HOOK2: variants seen among roughly 807,000 people sequenced by gnomAD.
HOOK2 encodes protein Hook homolog 2.
In HOOK2, 108 loss-of-function variants were observed where a neutral mutation model predicts 111.9. The ratio of observed to expected loss-of-function variants is 0.96; its 90% CI spans 0.83 to 1.13. HOOK2 has a LOEUF of 1.13. HOOK2 is among the 50% of genes most tolerant of loss of function. The pLI, the probability that HOOK2 is intolerant of heterozygous loss-of-function variation, is 0.00. For missense variants in HOOK2, 978 were observed against 951.3 expected (o/e 1.03, Z -0.37); for synonymous variants, 405 against 394.3 (o/e 1.03, Z -0.32).
rs1301014406 is a variant in HOOK2, at chr19:12,767,811, CT to C, written c.1303+4del. 1.2e-6 allele frequency: 2 copies of C among 1,600,756 alleles called. No homozygotes were observed. The highest frequency in any genetic ancestry group is 4.5e-5 in the East Asian group (2 of 44,870). ...GTAAGACCCCGGGATGGGGCTTCAT[CT>C]CACCGGCCTGGGTCAACCCCCGCGG... On this transcript the variant is annotated splice_donor_region_variant and intron_variant, in intron 13 of 22. Coordinates refer to ENST00000397668, the MANE Select transcript of HOOK2 (RefSeq NM_013312.3).
chr19:12,771,937 G>T, intron 7 of HOOK2: 2 of 499,078 alleles, frequency 4.0e-6, no homozygotes, highest in Non-Finnish European at 7.1e-6. Flanking sequence ...TGGGGTTGGA[G>T]ACTGAAGGAA....
chr19:12,770,796 T>G, intron 10 of HOOK2, 136 bp downstream of exon 10: 3 of 1,067,526 alleles, frequency 2.8e-6, no homozygotes, highest in Non-Finnish European at 4.1e-6. Flanking sequence ...AGGGTGGCAC[T>G]GTGGAGTCCA....
upstream of HOOK2, among the ~76,000 whole-genome samples, chr19:12,781,938 C>G (rs1278301752): frequency 6.6e-6 from 1 of 151,896 alleles, no homozygotes; most frequent in Non-Finnish European, 1.5e-5. Context: ...TTCCTGGCCT[C>G]AAGTGATCCT....
In HOOK2 at chr19:12,768,048, C is replaced by A; in HGVS notation, c.1180G>T (p.Glu394Ter). The A allele has an allele frequency of 6.2e-7, 1 of 1,614,254 alleles. No homozygotes were observed. Among genetic ancestry groups the A allele is most frequent in the Non-Finnish European group, 8.5e-7 (1 of 1,180,046 alleles). The change falls in exon 12 of 23, where the codon GAG becomes TAG. Residue 394 changes from glutamate to a stop codon, truncating the protein, a stop_gained. Coordinates refer to ENST00000397668, the MANE Select transcript of HOOK2 (RefSeq NM_013312.3). LOFTEE classifies it high-confidence loss of function. ...TTTGTCACCGACTCATACTTTTCCTCCAGGTTGCGGCATTCAAATAGCCAT... is the reference window on the plus strand; with the variant it reads ...TTTGTCACCGACTCATACTTTTCCTACAGGTTGCGGCATTCAAATAGCCAT... ...EKWLFECRNLEEKYESVTKEK... is the reference protein window; with the variant it reads ...EKWLFECRNL
chr19:12,792,279 G>C (rs1449594379), intron 3 of HOOK2: 1 of 1,494,832 alleles, frequency 6.7e-7, no homozygotes, highest in Non-Finnish European at 8.9e-7. Context: ...GGCTGGGCCC[G>C]GGGGCGTCTA....
At chr19:12,766,285 C>G in intron 14 of HOOK2, 45 bp from the exon 15 acceptor site, 1 of 1,488,338 alleles carries the variant, frequency 6.7e-7, no homozygotes, top group Non-Finnish European at 8.9e-7. Flanking sequence ...CGAGTCACCT[C>G]GCAGGCTCGC....
chr19:12,763,666 A>T lies in HOOK2; in HGVS notation c.1938+2T>A, dbSNP rs1968062782. 3.1e-6 allele frequency: 5 copies of T among 1,613,682 alleles called. No homozygotes were observed. In the South Asian group the frequency reaches 4.4e-5, roughly 14 times the overall value. On this transcript the variant is annotated splice_donor_variant, in intron 21 of 22. Coordinates refer to ENST00000397668, the MANE Select transcript of HOOK2 (RefSeq NM_013312.3). LOFTEE classifies it high-confidence loss of function. ...GCAGCGTAAAGGGACGAGGACACCC[A>T]CCTCCAGGTGTCGGATGCGGACATC... is the stretch of plus-strand genomic sequence containing the variant.
chr19:12,771,128 C>T, intron 9 of HOOK2, 31 bp downstream of exon 9: 1 of 1,611,578 alleles, frequency 6.2e-7, no homozygotes, highest in Non-Finnish European at 8.5e-7. Context: ...GGTCCCCTGG[C>T]TTGCCTGGCC....
intron 1 of HOOK2, 82 bp downstream of exon 1, chr19:12,775,321 CAA>C (rs1968468172): frequency 1.3e-6 from 2 of 1,555,526 alleles, no homozygotes; most frequent in East Asian, 2.4e-5. Flanking sequence ...GCCCCAGCAC[CAA>C]GAGACTGACC....
upstream of HOOK2, among the ~76,000 whole-genome samples, chr19:12,782,513 C>T (rs554861186): frequency 1.4e-3 from 218 of 152,352 alleles, no homozygotes; most frequent in African/African-American, 4.8e-3. Flanking sequence ...CTCCGGGAGG[C>T]GCCCTCCCCG....
At chr19:12,788,826 TCA>T (rs1249983226) in intron 3 of HOOK2, among the ~76,000 whole-genome samples, 1 of 152,074 alleles carries the variant, frequency 6.6e-6, no homozygotes, top group Non-Finnish European at 1.5e-5. Context: ...CCTGCCAGAC[TCA>T]CAGGCCTCCG....
chr19:12,771,697 A>G (rs1250637547), intron 7 of HOOK2: 2 of 555,250 alleles, frequency 3.6e-6, no homozygotes, highest in African/African-American at 3.8e-5. Flanking sequence ...AGCCTGCCCA[A>G]CGTGGCGAAC....
At position 12,791,941 on chromosome 19, in the gene HOOK2, G is replaced by T. The variant is rs748304885; in HGVS notation, n.42-17716C>A. 37 of 1,611,298 alleles carry T rather than the reference G, an allele frequency of 2.3e-5. No homozygotes were observed. The highest frequency in any genetic ancestry group is 2.5e-6 in the Non-Finnish European group (3 of 1,179,470). On this transcript the variant is annotated intron_variant and non_coding_transcript_variant, in intron 3 of 3. Coordinates refer to the HOOK2 transcript ENST00000589765. This position sits in a 1 kb window ranked among gnomAD's most constrained non-coding sequence, Gnocchi z 7.0. ...AGTCTCAAAGCGCCTGGGGCTCGCG[G>T]ACCCGGCCCAGAGGGCGGCGGTGGC... is the stretch of plus-strand genomic sequence containing the variant.
At chr19:12,768,726 A>G (rs937665005) in intron 11 of HOOK2, among the ~76,000 whole-genome samples, 1 of 151,986 alleles carries the variant, frequency 6.6e-6, no homozygotes, top group East Asian at 1.9e-4. Flanking sequence ...TCCCATCTCA[A>G]CCTCTCAAAG....
rs1197102302 is a variant in HOOK2, at chr19:12,768,121, C to T, written c.1107G>A (p.Val369=). The T allele has an allele frequency of 1.2e-6, 2 of 1,613,620 alleles. No individual in the cohort carries two copies. The highest frequency in any genetic ancestry group is 2.2e-5 in the East Asian group (1 of 44,884). The part of the protein sequence containing the change: ...RAQLEAQRRQ[V]QELQGQRQEE... ...CCTGCCGCTGGCCCTGCAGTTCCTG[C>T]ACCTGAACACAGAGAGGGGAGGAAT... is the stretch of plus-strand genomic sequence containing the variant. The change falls in exon 12 of 23, where the codon GTG becomes GTA. Residue 369 remains valine, a splice_region_variant and synonymous_variant. Transcript: ENST00000397668.
chr19:12,780,114 C>T (rs1456437124), upstream of HOOK2, among the ~76,000 whole-genome samples: 1 of 152,162 alleles, frequency 6.6e-6, no homozygotes, highest in Non-Finnish European at 1.5e-5. Flanking sequence ...CGCGCCATTA[C>T]ACTCTAGCCT....
chr19:12,768,633 T>A (rs983051816), intron 11 of HOOK2, among the ~76,000 whole-genome samples: 1 of 151,682 alleles, frequency 6.6e-6, no homozygotes, highest in African/African-American at 2.4e-5. Context: ...TTAAAAAAAA[T>A]TTAAAAATTT....
chr19:12,782,299 T>C (rs989243721), upstream of HOOK2, among the ~76,000 whole-genome samples: 9 of 152,240 alleles, frequency 5.9e-5, no homozygotes, highest in Admixed American at 5.9e-4. Context: ...CGTGTGTCCG[T>C]GTTCGCTGCG....
At chr19:12,764,003 T>C (rs1212444944) in intron 20 of HOOK2, among the ~76,000 whole-genome samples, 1 of 152,088 alleles carries the variant, frequency 6.6e-6, no homozygotes, top group Admixed American at 6.6e-5. Context: ...GCCAGTACTT[T>C]ATTTTTACTT....
Sources: allele counts gnomAD v4.1 joint callset (sites outside exome capture counted in the v4.1 genomes callset), GRCh38; gene constraint gnomAD v4.1.1; non-coding constraint Gnocchi (gnomAD v3.1); transcripts MANE v1.5; gene names NCBI Gene and HGNC (gene_info 2026-07-23, HGNC 2026-07-21).